Variants in ATF7IP observed in about 807,000 individuals in gnomAD.
ATF7IP encodes activating transcription factor 7-interacting protein 1.
A neutral mutation model predicts 106.4 loss-of-function variants in ATF7IP; 23 were observed. The observed-to-expected ratio is 0.22, with a 90% CI of 0.16 to 0.31. ATF7IP has a LOEUF of 0.31. ATF7IP is among the 10% of genes least tolerant of loss of function. ATF7IP has a pLI of 1.00. For missense variants in ATF7IP, 1,334 were observed against 1,524.3 expected (o/e 0.88, Z 2.08); for synonymous variants, 542 against 539.0 (o/e 1.01, Z -0.08).
At chr12:14,426,289 A>G (rs952346638) in intron 2 of ATF7IP, among the ~76,000 whole-genome samples, 2 of 152,176 alleles carry the variant, frequency 1.3e-5, no homozygotes, top group South Asian at 2.1e-4. Context: ...TTATTCCTCT[A>G]TGAAACTTTC....
intron 1 of ATF7IP, among the ~76,000 whole-genome samples, chr12:14,415,243 T>C (rs1941140675): frequency 6.6e-6 from 1 of 152,222 alleles, no homozygotes; most frequent in South Asian, 2.1e-4. Flanking sequence ...AAAATGGCAT[T>C]TGTTGGATCA....
intron 1 of ATF7IP, chr12:14,420,218 G>T (rs1311010654): frequency 6.6e-6 from 1 of 152,236 alleles, no homozygotes; most frequent in African/African-American, 2.4e-5. Context: ...GATTAAGGAA[G>T]TAGATCCTTA....
At chr12:14,457,547 C>A (rs1943475882) in intron 8 of ATF7IP, among the ~76,000 whole-genome samples, 1 of 151,884 alleles carries the variant, frequency 6.6e-6, no homozygotes, top group African/African-American at 2.4e-5. Flanking sequence ...TAATGGAATC[C>A]AGTTGGTCTC....
intron 9 of ATF7IP, among the ~76,000 whole-genome samples, chr12:14,463,475 G>C (rs1405604657): frequency 3.9e-5 from 6 of 152,042 alleles, no homozygotes; most frequent in Admixed American, 3.9e-4. Flanking sequence ...ATCTCACCAA[G>C]CTTACAATCA....
At chr12:14,452,741 A>G (rs1390494802) in intron 6 of ATF7IP, among the ~76,000 whole-genome samples, 5 of 152,114 alleles carry the variant, frequency 3.3e-5, no homozygotes, top group African/African-American at 4.8e-5. Context: ...AAAGTGGTTT[A>G]TGCACCAATA....
chr12:14,429,552 T>C (rs575037981), intron 2 of ATF7IP, among the ~76,000 whole-genome samples: 7 of 152,338 alleles, frequency 4.6e-5, no homozygotes, highest in Non-Finnish European at 1.0e-4. Flanking sequence ...TTTCCTCCCC[T>C]TGTTCATTGG....
intron 11 of ATF7IP, among the ~76,000 whole-genome samples, chr12:14,477,196 AAAT>A (rs1380622964): frequency 6.6e-6 from 1 of 152,202 alleles, no homozygotes; most frequent in African/African-American, 2.4e-5. Context: ...AATATTTTAA[AAAT>A]AATATTTTGG....
At chr12:14,465,422 A>G (rs1328016781) in intron 9 of ATF7IP, among the ~76,000 whole-genome samples, 28 of 151,914 alleles carry the variant, frequency 1.8e-4, no homozygotes, top group Admixed American at 1.8e-3. Context: ...GTGTATCTTA[A>G]TACTCCACTG....
At chr12:14,433,104 C>T (rs1164330219) in intron 2 of ATF7IP, among the ~76,000 whole-genome samples, 1 of 152,094 alleles carries the variant, frequency 6.6e-6, no homozygotes, top group South Asian at 2.1e-4. Context: ...CGAGGTGGCT[C>T]ACGCCTGTAA....
At chr12:14,494,386 T>C (rs1474459574) in intron 13 of ATF7IP, among the ~76,000 whole-genome samples, 1 of 137,944 alleles carries the variant, frequency 7.2e-6, no homozygotes, top group African/African-American at 2.6e-5. Context: ...ATAGTATTCA[T>C]ATAATATATA....
chr12:14,383,783 A>G (rs1215723156), intron 1 of ATF7IP, among the ~76,000 whole-genome samples: 1 of 152,178 alleles, frequency 6.6e-6, no homozygotes, highest in Non-Finnish European at 1.5e-5. Context: ...GCAGGTCTCA[A>G]ACTCCTGGCT....
At chr12:14,421,411 G>A (rs1941499697) in intron 1 of ATF7IP, among the ~76,000 whole-genome samples, 1 of 152,156 alleles carries the variant, frequency 6.6e-6, no homozygotes, top group African/African-American at 2.4e-5. Context: ...AAATCACGGT[G>A]TTGTCATTGC....
At chr12:14,404,408 A>G (rs919958763) in intron 1 of ATF7IP, among the ~76,000 whole-genome samples, 12 of 152,220 alleles carry the variant, frequency 7.9e-5, no homozygotes, top group African/African-American at 2.9e-4. Flanking sequence ...AATATTGAAT[A>G]CATGAGTAAA....
chr12:14,415,488 C>T (rs1941153288), intron 1 of ATF7IP, among the ~76,000 whole-genome samples: 1 of 152,078 alleles, frequency 6.6e-6, no homozygotes, highest in South Asian at 2.1e-4. Context: ...GTAACCTTGT[C>T]TAGGGAATTG....
intron 1 of ATF7IP, among the ~76,000 whole-genome samples, chr12:14,383,509 A>G (rs918275765): frequency 6.6e-5 from 10 of 152,158 alleles, no homozygotes; most frequent in Admixed American, 4.6e-4. Context: ...AGTAATATCA[A>G]TTCTGTTCCA....
intron 1 of ATF7IP, among the ~76,000 whole-genome samples, chr12:14,396,321 T>C (rs1201231269): frequency 6.6e-6 from 1 of 152,148 alleles, no homozygotes; most frequent in East Asian, 1.9e-4. Flanking sequence ...TGGTCACTTA[T>C]TGCTACATAG....
chr12:14,371,328 A>G (rs537991470), intron 1 of ATF7IP, among the ~76,000 whole-genome samples: 3 of 152,258 alleles, frequency 2.0e-5, no homozygotes, highest in East Asian at 1.9e-4. Flanking sequence ...GAAAATGGAT[A>G]TAAAATATTA....
intron 2 of ATF7IP, among the ~76,000 whole-genome samples, chr12:14,432,366 TAGAA>T (rs1358898326): frequency 2.6e-5 from 4 of 152,156 alleles, no homozygotes; most frequent in African/African-American, 9.7e-5. Flanking sequence ...TGGAAAAATA[TAGAA>T]AGAAAAATGT....
intron 10 of ATF7IP, among the ~76,000 whole-genome samples, chr12:14,475,044 A>C (rs1210139117): frequency 6.6e-6 from 1 of 152,204 alleles, no homozygotes; most frequent in Non-Finnish European, 1.5e-5. Flanking sequence ...TTAATTTCTC[A>C]ACTTGAGTAT....
Sources: gnomAD v4.1 joint callset for allele counts (sites outside exome capture counted in the v4.1 genomes callset) on GRCh38, gnomAD v4.1.1 for gene constraint, MANE v1.5 for transcripts, NCBI Gene and HGNC (gene_info 2026-07-23, HGNC 2026-07-21) for gene names.